Variants in AKAP10 observed in about 807,000 individuals in gnomAD.
AKAP10 encodes A-kinase anchor protein 10, mitochondrial.
Under a neutral mutation model 80.8 loss-of-function variants are expected in AKAP10, and 24 were observed. That is an observed-to-expected ratio of 0.30 (90% CI 0.22 to 0.42). The LOEUF is 0.42. Ranked by LOEUF, AKAP10 falls within the 10% of genes least tolerant of loss-of-function variation. The probability of loss-of-function intolerance (pLI) is 1.00; values close to 1 mark genes in which losing one functional copy is unlikely to be tolerated. For synonymous variants in AKAP10, 291 were observed against 277.7 expected, an observed-to-expected ratio of 1.05 and a Z score of -0.48; for missense variants, 661 against 794.9, an observed-to-expected ratio of 0.83 and a Z score of 2.03.
At chr17:19,939,085 G>A (rs763555964) in intron 8 of AKAP10, among the ~76,000 whole-genome samples, 6 of 152,048 alleles carry the variant, frequency 3.9e-5, no homozygotes, top group African/African-American at 4.8e-5. Flanking sequence ...AATACCATAC[G>A]TTACAGAGCT....
At position 19,954,302 on chromosome 17, in the gene AKAP10, T is replaced by C. The variant is rs555592581; in HGVS notation, c.877+3712A>G. Among the ~76,000 whole-genome samples, 4 of 152,074 alleles carry C rather than the reference T, an allele frequency of 2.6e-5. No homozygotes were observed. The East Asian group carries it at 7.7e-4, about 29-fold the overall frequency. On this transcript the variant is annotated intron_variant, in intron 4 of 14. Coordinates refer to ENST00000225737, the MANE Select transcript of AKAP10 (RefSeq NM_007202.4). ...GAGTCCAAAAACAGGCCTAGACAAA[T>C]ATGGCAAAAGTACAAAGGCAATTCA...
chr17:19,955,166 G>C (rs1450541875), intron 4 of AKAP10, among the ~76,000 whole-genome samples: 1 of 151,812 alleles, frequency 6.6e-6, no homozygotes, highest in Non-Finnish European at 1.5e-5. Context: ...AGGTTGCAGT[G>C]AGCCGAGATT....
chr17:19,930,487 T>G (rs917173683), intron 10 of AKAP10, among the ~76,000 whole-genome samples: 4 of 152,024 alleles, frequency 2.6e-5, no homozygotes, highest in Non-Finnish European at 5.9e-5. Context: ...CAAAAGGCCT[T>G]GAGTGAAACA....
chr17:19,952,341 G>A (rs1173106058), intron 4 of AKAP10, among the ~76,000 whole-genome samples: 4 of 151,862 alleles, frequency 2.6e-5, no homozygotes, highest in African/African-American at 7.3e-5. Context: ...GCGCGTGCCT[G>A]TAATCCCAGC....
chr17:19,917,759 A>G (rs2042761953), intron 12 of AKAP10, among the ~76,000 whole-genome samples: 1 of 151,924 alleles, frequency 6.6e-6, no homozygotes, highest in Non-Finnish European at 1.5e-5. Context: ...CATCTCTACT[A>G]AAAATAACAA....
chr17:19,913,404 G>A (rs2042712388), intron 12 of AKAP10, among the ~76,000 whole-genome samples: 1 of 151,662 alleles, frequency 6.6e-6, no homozygotes, highest in African/African-American at 2.4e-5. Flanking sequence ...TGCCTGCCTT[G>A]GCCTCCCAAC....
intron 13 of AKAP10, 32 bp from the exon 14 acceptor site, chr17:19,909,308 G>A (rs1357578743): frequency 6.4e-7 from 1 of 1,574,418 alleles, no homozygotes; most frequent in Admixed American, 1.7e-5. Context: ...GGTGATAATG[G>A]TTATTCATTA....
At chr17:19,945,820 A>C (rs992864961) in intron 5 of AKAP10, among the ~76,000 whole-genome samples, 1 of 152,160 alleles carries the variant, frequency 6.6e-6, no homozygotes, top group African/African-American at 2.4e-5. Flanking sequence ...TTATTTCATA[A>C]ATCACAAATA....
At chr17:19,969,929 T>C (rs2043473086) in intron 1 of AKAP10, among the ~76,000 whole-genome samples, 1 of 152,200 alleles carries the variant, frequency 6.6e-6, no homozygotes, top group African/African-American at 2.4e-5. Flanking sequence ...ACTACATCAC[T>C]CACTTTAAAC....
intron 5 of AKAP10, among the ~76,000 whole-genome samples, chr17:19,946,271 A>ATTT (rs2043127009): frequency 8.1e-4 from 19 of 23,362 alleles, no homozygotes; most frequent in Non-Finnish European, 9.5e-4. Context: ...ATATATATAT[A>ATTT]TATATTTTTT....
chr17:19,938,776 C>T (rs1440148923), intron 8 of AKAP10, among the ~76,000 whole-genome samples: 1 of 151,218 alleles, frequency 6.6e-6, no homozygotes, highest in Admixed American at 6.6e-5. Flanking sequence ...TACTGCCCTG[C>T]CCAGGGTGGA....
intron 5 of AKAP10, among the ~76,000 whole-genome samples, chr17:19,946,947 C>A (rs187147158): frequency 1.3e-5 from 2 of 152,366 alleles, no homozygotes; most frequent in South Asian, 2.1e-4. Flanking sequence ...ACTGAGACAC[C>A]TGTCTGGCCA....
At chr17:19,960,497 G>A (rs7218251) in intron 3 of AKAP10, among the ~76,000 whole-genome samples, 10,295 of 152,198 alleles carry the variant, frequency 0.068, 1,034 homozygotes, top group African/African-American at 0.22. Context: ...TAATTCCCTT[G>A]ATATTCATCC....
At chr17:19,935,439 A>C (rs921211287) in intron 9 of AKAP10, among the ~76,000 whole-genome samples, 3 of 151,952 alleles carry the variant, frequency 2.0e-5, no homozygotes, top group African/African-American at 4.8e-5. Context: ...GGCTACACTA[A>C]ATTTATTTAA....
chr17:19,929,120 G>A (rs192663548), intron 10 of AKAP10, among the ~76,000 whole-genome samples: 15 of 152,128 alleles, frequency 9.9e-5, no homozygotes, highest in African/African-American at 2.4e-4. Flanking sequence ...CATAATATAC[G>A]GTTCCATGTT....
chr17:19,973,969 G>A (rs917204351), intron 1 of AKAP10, among the ~76,000 whole-genome samples: 9 of 152,164 alleles, frequency 5.9e-5, no homozygotes, highest in Non-Finnish European at 8.8e-5. Context: ...TTGGGAGGCC[G>A]AGGCAGGCAG....
intron 4 of AKAP10, among the ~76,000 whole-genome samples, chr17:19,947,930 C>T (rs1193721964): frequency 2.7e-5 from 4 of 150,150 alleles, no homozygotes; most frequent in East Asian, 3.9e-4. Context: ...ATTATTGATG[C>T]TTTACCAAAA....
rs182659398 is a variant in AKAP10, at chr17:19,936,109, T to C, written c.1467+177A>G. 2.5e-4 allele frequency: 138 copies of C among 546,838 alleles called. 1 individual carries two copies. Among genetic ancestry groups the C allele is most frequent in the African/African-American group, 2.3e-3 (123 of 53,422 alleles). 33.9% of individuals were successfully genotyped at this position (546,838 alleles called of 1,614,324 possible). A position where few individuals can be genotyped will look rare whatever the true frequency, so the allele number is the denominator to read the frequency against. Reference sequence around the variant, plus strand: ...ACACGCAGTCCACTGTTGACTAAAATGTTATGTGGCACGTGACTGTACATA... The same window carrying C: ...ACACGCAGTCCACTGTTGACTAAAACGTTATGTGGCACGTGACTGTACATA... On this transcript the variant is annotated intron_variant, in intron 9 of 14. Transcript: ENST00000225737.
At chr17:19,977,455 C>T (rs991521320) in intron 1 of AKAP10, 137 bp downstream of exon 1, 2 of 594,928 alleles carry the variant, frequency 3.4e-6, no homozygotes, top group Non-Finnish European at 4.9e-6. Context: ...GAGCAAGGCA[C>T]TCAGGGGGCA....
Sources: allele counts gnomAD v4.1 joint callset (sites outside exome capture counted in the v4.1 genomes callset), GRCh38; gene constraint gnomAD v4.1.1; transcripts MANE v1.5; gene names NCBI Gene and HGNC (gene_info 2026-07-23, HGNC 2026-07-21).